Variants in FBXL5 observed in about 807,000 individuals in gnomAD.
FBXL5 encodes F-box and leucine rich repeat protein 5.
Under a neutral mutation model 78.3 loss-of-function variants are expected in FBXL5, and 26 were observed. That is an observed-to-expected ratio of 0.33 (90% CI 0.24 to 0.46). The LOEUF is 0.46. FBXL5 is among the 20% of genes least tolerant of loss of function. The pLI is 1.00. For synonymous variants in FBXL5, 295 were observed against 282.5 expected, an observed-to-expected ratio of 1.04 and a Z score of -0.45; for missense variants, 710 against 829.2, an observed-to-expected ratio of 0.86 and a Z score of 1.77.
intron 6 of FBXL5, among the ~76,000 whole-genome samples, chr4:15,630,198 A>G (rs1713477170): frequency 6.6e-6 from 1 of 152,314 alleles, no homozygotes; most frequent in South Asian, 2.1e-4. Flanking sequence ...ACCATTTACA[A>G]ACAATATTTA....
rs1314087089 is a variant in FBXL5, at chr4:15,632,667, T to G, written c.767-1876A>C. 2.0e-5 allele frequency among the ~76,000 whole-genome samples: 3 copies of G among 152,216 alleles called. No homozygotes were observed. In the South Asian group the frequency reaches 6.2e-4, roughly 32 times the overall value. On this transcript the variant is annotated intron_variant, in intron 5 of 10. Transcript: ENST00000341285. Reference sequence around the variant, plus strand: ...TGTATTCCTAGGTATTTTATTCTCTTTGTAGCAATTGTGAATGGGAGTTCA... The same window carrying G: ...TGTATTCCTAGGTATTTTATTCTCTGTGTAGCAATTGTGAATGGGAGTTCA...
chr4:15,617,342 G>C (rs1253268933), intron 9 of FBXL5, among the ~76,000 whole-genome samples: 1 of 151,862 alleles, frequency 6.6e-6, no homozygotes, highest in East Asian at 1.9e-4. Flanking sequence ...AGGAGTTCTG[G>C]ACCAGACTGG....
chr4:15,673,692 A>G lies in FBXL5; in HGVS notation c.-284+7691T>C, dbSNP rs141355007. On this transcript the variant is annotated intron_variant, in intron 1 of 4. Transcript: ENST00000507899. Reference sequence around the variant, plus strand: ...TTTCCTCACATGCATACAGTGATCAATACTTACCTGAAGAATCAGGAGAGA... The same window carrying G: ...TTTCCTCACATGCATACAGTGATCAGTACTTACCTGAAGAATCAGGAGAGA... 6.4e-3 allele frequency among the ~76,000 whole-genome samples: 973 copies of G among 152,326 alleles called. 18 individuals carry two copies. Among genetic ancestry groups the G allele is most frequent in the African/African-American group, 0.022 (923 of 41,560 alleles).
upstream of FBXL5, among the ~76,000 whole-genome samples, chr4:15,662,196 C>T (rs1717343363): frequency 6.6e-6 from 1 of 152,136 alleles, no homozygotes; most frequent in Non-Finnish European, 1.5e-5. Flanking sequence ...TAATTGAGGG[C>T]CATCTTTGAA....
At chr4:15,657,078 C>G, upstream of FBXL5, among the ~76,000 whole-genome samples, 1 of 152,306 alleles carries the variant, frequency 6.6e-6, no homozygotes, top group East Asian at 1.9e-4. Context: ...CTCTCTTCCT[C>G]CTTCTCCCTT....
At chr4:15,650,852 T>C (rs555467177) in intron 1 of FBXL5, among the ~76,000 whole-genome samples, 1 of 151,832 alleles carries the variant, frequency 6.6e-6, no homozygotes, top group South Asian at 2.1e-4. Flanking sequence ...AGGCTGGTCT[T>C]GAACTCCTGA....
chr4:15,627,030 A>C, intron 7 of FBXL5, 75 bp from the exon 8 acceptor site: 3 of 819,016 alleles, frequency 3.7e-6, no homozygotes, highest in Non-Finnish European at 5.8e-6. Context: ...CTATTAGTAA[A>C]CATAATCTAG....
At chr4:15,647,503 A>C (rs1398147517) in intron 1 of FBXL5, among the ~76,000 whole-genome samples, 1 of 152,214 alleles carries the variant, frequency 6.6e-6, no homozygotes, top group Admixed American at 6.5e-5. Context: ...GAAGACTGTA[A>C]TGCCCTAACA....
intron 4 of FBXL5, among the ~76,000 whole-genome samples, chr4:15,637,635 T>TGGCGCAA (rs1460326271): frequency 6.6e-6 from 1 of 152,172 alleles, no homozygotes; most frequent in African/African-American, 2.4e-5. Flanking sequence ...ATAATTACAA[T>TGGCGCAA]TAAACCAGAC....
intron 1 of FBXL5, 105 bp downstream of exon 1, chr4:15,655,099 G>A: frequency 1.1e-6 from 1 of 907,272 alleles, no homozygotes; most frequent in Non-Finnish European, 1.4e-6. Flanking sequence ...GCGCGGCGAC[G>A]GCACGGGGCT....
At chr4:15,622,872 C>CAA (rs1451046702) in intron 9 of FBXL5, among the ~76,000 whole-genome samples, 2 of 152,166 alleles carry the variant, frequency 1.3e-5, no homozygotes, top group Admixed American at 6.5e-5. Context: ...AATTCAAACG[C>CAA]AAACTTTCTT....
At chr4:15,655,689 G>A (rs1716847240), upstream of FBXL5, among the ~76,000 whole-genome samples, 1 of 152,232 alleles carries the variant, frequency 6.6e-6, no homozygotes, top group Admixed American at 6.5e-5. Flanking sequence ...CTTGAGGAGA[G>A]GCAGCCAAGC....
At chr4:15,634,481 C>T (rs1175732463) in intron 5 of FBXL5, among the ~76,000 whole-genome samples, 2 of 152,066 alleles carry the variant, frequency 1.3e-5, no homozygotes, top group African/African-American at 4.8e-5. Context: ...TTCTCCCTGC[C>T]TCAGCCTCCC....
intron 5 of FBXL5, among the ~76,000 whole-genome samples, chr4:15,633,320 G>A (rs865871672): frequency 6.6e-6 from 1 of 152,040 alleles, no homozygotes. Context: ...ATCAAGTCTT[G>A]CATAAAATTT....
At chr4:15,635,098 G>A (rs997544792) in intron 5 of FBXL5, among the ~76,000 whole-genome samples, 13 of 151,970 alleles carry the variant, frequency 8.6e-5, no homozygotes, top group African/African-American at 7.2e-5. Context: ...TTGGGAGGCC[G>A]AGACGGGTGG....
chr4:15,627,107 C>T, intron 7 of FBXL5, 152 bp from the exon 8 acceptor site: 2 of 404,156 alleles, frequency 4.9e-6, no homozygotes, highest in Non-Finnish European at 9.1e-6. Flanking sequence ...ATAAAATATT[C>T]TGGGCTCAAA....
intron 1 of FBXL5, among the ~76,000 whole-genome samples, chr4:15,680,496 C>T (rs1718187805): frequency 6.6e-6 from 1 of 152,018 alleles, no homozygotes; most frequent in African/African-American, 2.4e-5. Context: ...AATGGTGAAA[C>T]CCCGTCTTTG....
intron 10 of FBXL5, among the ~76,000 whole-genome samples, chr4:15,606,910 C>A (rs1297958838): frequency 3.3e-5 from 5 of 152,034 alleles, no homozygotes; most frequent in Non-Finnish European, 5.9e-5. Flanking sequence ...ACAACAACAA[C>A]AAAAAAGCAA....
chr4:15,606,840 C>A (rs1053329811), intron 10 of FBXL5, among the ~76,000 whole-genome samples: 2 of 152,120 alleles, frequency 1.3e-5, no homozygotes, highest in South Asian at 4.1e-4. Context: ...TGATATCTAG[C>A]TTAACTCAAA....
Sources: gnomAD v4.1 joint callset for allele counts (sites outside exome capture counted in the v4.1 genomes callset) on GRCh38, gnomAD v4.1.1 for gene constraint, MANE v1.5 for transcripts, NCBI Gene and HGNC (gene_info 2026-07-23, HGNC 2026-07-21) for gene names.